The following SNX9 variants were observed in gnomAD, a reference collection of about 807,000 sequenced individuals.
The protein encoded by SNX9 is sorting nexin 9, also known as sorting nexin-9.
SNX9 carries 44 observed loss-of-function variants against 89.4 expected under a neutral mutation model. That is an observed-to-expected ratio of 0.49 (90% confidence interval 0.39 to 0.63). SNX9 has a LOEUF of 0.63. Ranked by LOEUF, SNX9 falls within the 30% of genes least tolerant of loss-of-function variation. The pLI, the probability that SNX9 is intolerant of heterozygous loss-of-function variation, is 0.00. For missense variants in SNX9, 578 were observed against 736.1 expected, an observed-to-expected ratio of 0.79 and a Z score of 2.49; for synonymous variants, 236 against 247.8, an observed-to-expected ratio of 0.95 and a Z score of 0.45.
At chr6:157,928,729 G>C (rs1783746504) in intron 12 of SNX9, 27 bp downstream of exon 12, 1 of 1,513,492 alleles carries the variant, frequency 6.6e-7, no homozygotes, top group South Asian at 1.3e-5. Context: ...CAGTGCACTG[G>C]GCTCGTAGGG....
chr6:157,841,568 G>A (rs1253015585), intron 1 of SNX9, among the ~76,000 whole-genome samples: 1 of 152,202 alleles, frequency 6.6e-6, no homozygotes, highest in African/African-American at 2.4e-5. Context: ...CATGTGGGGT[G>A]TGGGGATCGG....
At chr6:157,868,918 T>A (rs1422847570) in intron 2 of SNX9, among the ~76,000 whole-genome samples, 1 of 152,224 alleles carries the variant, frequency 6.6e-6, no homozygotes, top group Non-Finnish European at 1.5e-5. Context: ...CCTCCGCCTC[T>A]GGGCCCCACA....
chr6:157,889,970 G>A (rs13204855), intron 4 of SNX9, among the ~76,000 whole-genome samples: 1 of 152,110 alleles, frequency 6.6e-6, no homozygotes, highest in East Asian at 1.9e-4. Context: ...TTGTATAAGT[G>A]TGGGGACTAA....
intron 6 of SNX9, among the ~76,000 whole-genome samples, chr6:157,905,098 C>G (rs533383587): frequency 6.6e-6 from 1 of 152,152 alleles, no homozygotes; most frequent in Admixed American, 6.5e-5. Flanking sequence ...CTAAGGCTAC[C>G]TAAGTGTTGG....
chr6:157,841,604 C>T (rs528251015), intron 1 of SNX9, among the ~76,000 whole-genome samples: 6 of 152,258 alleles, frequency 3.9e-5, no homozygotes, highest in African/African-American at 1.4e-4. Flanking sequence ...CTGTGTGTAG[C>T]TTTCCCATGG....
chr6:157,939,455 G>T (rs1783992061), intron 16 of SNX9, among the ~76,000 whole-genome samples: 1 of 152,150 alleles, frequency 6.6e-6, no homozygotes. Flanking sequence ...AAGGGAGAAG[G>T]ATTTGCTGGT....
intron 1 of SNX9, among the ~76,000 whole-genome samples, chr6:157,850,761 C>T (rs552690718): frequency 6.6e-6 from 1 of 152,292 alleles, no homozygotes; most frequent in Non-Finnish European, 1.5e-5. Context: ...AGGCTCCTGG[C>T]AGGTCACTTT....
intron 4 of SNX9, among the ~76,000 whole-genome samples, chr6:157,896,101 G>T (rs561055187): frequency 6.6e-6 from 1 of 152,190 alleles, no homozygotes; most frequent in Non-Finnish European, 1.5e-5. Context: ...GTTCTAGATT[G>T]TAGGAAGGAG....
At chr6:157,886,874 T>C (rs1477940711) in intron 4 of SNX9, among the ~76,000 whole-genome samples, 1 of 152,206 alleles carries the variant, frequency 6.6e-6, no homozygotes, top group Non-Finnish European at 1.5e-5. Flanking sequence ...GTTTTTTTTT[T>C]CTTTGTGCTT....
intron 1 of SNX9, among the ~76,000 whole-genome samples, chr6:157,825,554 C>A (rs1019718461): frequency 1.3e-5 from 2 of 152,168 alleles, no homozygotes; most frequent in African/African-American, 4.8e-5. Context: ...CTTCCTACTT[C>A]GTTATCTACA....
chr6:157,882,815 G>C (rs1284227177), intron 4 of SNX9, among the ~76,000 whole-genome samples: 1 of 152,212 alleles, frequency 6.6e-6, no homozygotes, highest in East Asian at 1.9e-4. Flanking sequence ...GTGGTTTCCT[G>C]AGATGGAATC....
At position 157,823,348 on chromosome 6, in the gene SNX9, G is replaced by A. The variant is rs1781272670; in HGVS notation, c.-87G>A. 2.5e-6 allele frequency: 3 copies of A among 1,197,380 alleles called. No homozygotes were observed. The East Asian group carries it at 1.3e-4, about 51-fold the overall frequency. The allele number at this position is 1,197,380 out of a possible 1,614,324, so 74.2% of individuals were successfully genotyped here. A position where few individuals can be genotyped will look rare whatever the true frequency, so the allele number is the denominator to read the frequency against. The stretch of plus-strand genomic sequence containing the variant: ...GGGCCCAGCCGGAGCCGCCGCCCTC[G>A]CCCTTGCCTTTGCCTGCGCGGCTCA... On this transcript the variant is annotated 5_prime_UTR_variant, in exon 1 of 18. Transcript: ENST00000392185. The surrounding 1 kb of genome is among the most constrained non-coding windows in gnomAD (Gnocchi z 4.6).
chr6:157,830,257 G>A lies in SNX9; in HGVS notation c.12+6811G>A, dbSNP rs554887277. ...AATGAATTGGAATTTCCATTGAGAA[G>A]GTATGTTGTTGGTAAATCTCTTATA... On this transcript the variant is annotated intron_variant, in intron 1 of 17. Transcript: ENST00000392185. 4 of 152,248 alleles carry A rather than the reference G, an allele frequency of 2.6e-5. No individual in the cohort carries two copies. In the East Asian group the frequency reaches 7.7e-4, roughly 29 times the overall value. 9.4% of individuals were successfully genotyped at this position (152,248 alleles called of 1,614,324 possible). A position where few individuals can be genotyped will look rare whatever the true frequency, so the allele number is the denominator to read the frequency against.
At chr6:157,908,333 A>G (rs1783261720) in intron 7 of SNX9, among the ~76,000 whole-genome samples, 1 of 152,186 alleles carries the variant, frequency 6.6e-6, no homozygotes, top group Non-Finnish European at 1.5e-5. Context: ...TGCTTCCTGA[A>G]TAGTGGTCCT....
At chr6:157,920,699 G>A (rs1289259041) in intron 9 of SNX9, among the ~76,000 whole-genome samples, 1 of 152,190 alleles carries the variant, frequency 6.6e-6, no homozygotes, top group East Asian at 1.9e-4. Context: ...GAGGGGTAGG[G>A]TTAGCTGATC....
intron 1 of SNX9, among the ~76,000 whole-genome samples, chr6:157,832,105 G>A (rs1781489249): frequency 6.6e-6 from 1 of 152,224 alleles, no homozygotes; most frequent in African/African-American, 2.4e-5. Context: ...TGTAAATGCA[G>A]TGTTTAAGGA....
intron 1 of SNX9, among the ~76,000 whole-genome samples, chr6:157,852,737 C>T (rs764248973): frequency 7.2e-5 from 11 of 152,096 alleles, no homozygotes; most frequent in East Asian, 1.9e-4. Flanking sequence ...CCACCATGCC[C>T]GGCTAATTTT....
chr6:157,921,989 A>G (rs1470304725), intron 10 of SNX9, among the ~76,000 whole-genome samples: 1 of 152,202 alleles, frequency 6.6e-6, no homozygotes, highest in African/African-American at 2.4e-5. Flanking sequence ...AGGTATTATC[A>G]GCATGAAGTG....
chr6:157,881,943 A>G (rs905410807), intron 4 of SNX9, among the ~76,000 whole-genome samples: 10 of 152,248 alleles, frequency 6.6e-5, no homozygotes, highest in Non-Finnish European at 1.0e-4. Flanking sequence ...TCTAGCAAAG[A>G]TTATTGATGA....
Sources: gnomAD v4.1 joint callset for allele counts (sites outside exome capture counted in the v4.1 genomes callset) on GRCh38, gnomAD v4.1.1 for gene constraint, Gnocchi (gnomAD v3.1) non-coding constraint, MANE v1.5 for transcripts, NCBI Gene and HGNC (gene_info 2026-07-23, HGNC 2026-07-21) for gene names.